Variants in CCDC149 observed in about 807,000 individuals in gnomAD.
CCDC149 encodes the protein coiled-coil domain-containing protein 149.
CCDC149 carries 45 observed loss-of-function variants against 59.9 expected under a neutral mutation model. That is an observed-to-expected ratio of 0.75 (90% CI 0.59 to 0.96). The LOEUF (loss-of-function observed/expected upper bound fraction) is 0.96. Ranked by LOEUF, CCDC149 falls within the 40% of genes least tolerant of loss-of-function variation. The probability of loss-of-function intolerance (pLI) is 0.00; values close to 1 mark genes in which losing one functional copy is unlikely to be tolerated. For synonymous variants in CCDC149, 245 were observed against 260.6 expected (o/e 0.94, Z 0.58); for missense variants, 584 against 664.7 (o/e 0.88, Z 1.33).
chr4:24,897,288 G>A (rs1720900335), intron 1 of CCDC149, among the ~76,000 whole-genome samples: 2 of 152,202 alleles, frequency 1.3e-5, no homozygotes, highest in Admixed American at 1.3e-4. Flanking sequence ...AGAAATAGAA[G>A]TGGTTGTTTT....
chr4:24,942,215 A>C (rs1374956750), intron 1 of CCDC149, among the ~76,000 whole-genome samples: 2 of 151,080 alleles, frequency 1.3e-5, no homozygotes, highest in Non-Finnish European at 3.0e-5. Context: ...AGTGGGCTTC[A>C]TCCCTGGGAT....
intron 2 of CCDC149, among the ~76,000 whole-genome samples, chr4:24,875,802 C>T (rs917380352): frequency 6.6e-6 from 1 of 152,068 alleles, no homozygotes; most frequent in Non-Finnish European, 1.5e-5. Context: ...TAGCTAGTGG[C>T]CTCTGTATTA....
chr4:24,903,121 CT>C (rs1721275597), intron 1 of CCDC149, among the ~76,000 whole-genome samples: 1 of 150,086 alleles, frequency 6.7e-6, no homozygotes, highest in Admixed American at 6.7e-5. Flanking sequence ...TACCCTAATT[CT>C]CCCCCATATA....
intron 1 of CCDC149, among the ~76,000 whole-genome samples, chr4:24,947,450 C>T (rs980460726): frequency 6.6e-6 from 1 of 152,206 alleles, no homozygotes; most frequent in African/African-American, 2.4e-5. Context: ...GTCAATTAAA[C>T]CTCTTTTCTT....
intron 3 of CCDC149, among the ~76,000 whole-genome samples, chr4:24,863,044 G>A (rs1362880646): frequency 6.6e-6 from 1 of 152,176 alleles, no homozygotes; most frequent in East Asian, 1.9e-4. Context: ...TGTAATCCCA[G>A]CACTTTGGGG....
chr4:24,938,270 A>T (rs946191780), intron 1 of CCDC149, among the ~76,000 whole-genome samples: 3 of 152,048 alleles, frequency 2.0e-5, no homozygotes, highest in African/African-American at 4.8e-5. Flanking sequence ...GAGGAATATT[A>T]TTTTTTTTCC....
chr4:24,857,689 G>A (rs1718111423), intron 3 of CCDC149, among the ~76,000 whole-genome samples: 2 of 152,116 alleles, frequency 1.3e-5, no homozygotes, highest in South Asian at 2.1e-4. Context: ...ATTTACTCTG[G>A]AGCCTGGCTG....
At position 24,839,833 on chromosome 4, in the gene CCDC149, C is replaced by T. The variant is rs574804172; in HGVS notation, c.373-1561G>A. ...TTTTATGGAGGTTTTAAGTCTGATT[C>T]CACACCTCCCCGTAGGGCAGATGTG... On this transcript the variant is annotated intron_variant, in intron 4 of 12. Coordinates refer to ENST00000635206, the MANE Select transcript of CCDC149 (RefSeq NM_001330643.2). 2.0e-4 allele frequency among the ~76,000 whole-genome samples: 31 copies of T among 152,270 alleles called. No homozygotes were observed. The South Asian group carries it at 6.0e-3, about 30-fold the overall frequency.
At chr4:24,912,729 TC>T in intron 1 of CCDC149, 87 bp downstream of exon 1, 1 of 976,336 alleles carries the variant, frequency 1.0e-6, no homozygotes, top group Non-Finnish European at 1.3e-6. Flanking sequence ...CTCTCGTCCC[TC>T]CCAGCTCGGC....
chr4:24,928,015 A>G (rs1477895718), intron 1 of CCDC149, among the ~76,000 whole-genome samples: 3 of 152,194 alleles, frequency 2.0e-5, no homozygotes, highest in Admixed American at 6.5e-5. Flanking sequence ...ATCACATTCT[A>G]TGTCTGGTCT....
At chr4:24,929,240 C>T (rs988538461) in intron 1 of CCDC149, among the ~76,000 whole-genome samples, 2 of 152,118 alleles carry the variant, frequency 1.3e-5, no homozygotes, top group African/African-American at 2.4e-5. Flanking sequence ...AACAGCCCGT[C>T]GTCTGCAGCA....
At chr4:24,821,779 G>A (rs1715416491) in intron 10 of CCDC149, among the ~76,000 whole-genome samples, 1 of 152,202 alleles carries the variant, frequency 6.6e-6, no homozygotes, top group South Asian at 2.1e-4. Flanking sequence ...AATGGGGAAT[G>A]GCTGGCTGGG....
At chr4:24,904,586 G>C (rs993723390) in intron 1 of CCDC149, among the ~76,000 whole-genome samples, 1 of 152,214 alleles carries the variant, frequency 6.6e-6, no homozygotes, top group Non-Finnish European at 1.5e-5. Flanking sequence ...TTAAGTGTGT[G>C]TTTGACTTTA....
chr4:24,873,803 T>A, intron 2 of CCDC149, 84 bp from the exon 3 acceptor site: 2 of 1,072,948 alleles, frequency 1.9e-6, no homozygotes, highest in African/African-American at 1.6e-5. Flanking sequence ...ATTATGAACC[T>A]AAATGTAGAC....
chr4:24,838,272 G>A lies in CCDC149; in HGVS notation c.373C>T (p.Leu125Phe). ...TGTTTGGCAATCGTCATCCTCAAGA[G>A]CTGCATTTTCCATTGGTAGAAAAAG... Residue 125 changes from leucine (L) to phenylalanine (F), a missense_variant and splice_region_variant, in exon 5 of 13, where the codon CTC becomes TTC. Physicochemically the swap from Leu to Phe is conservative, Grantham distance 22. Transcript: ENST00000635206. 2 of 1,611,682 alleles carry A rather than the reference G, an allele frequency of 1.2e-6. No homozygotes were observed. Among genetic ancestry groups the A allele is most frequent in the South Asian group, 1.1e-5 (1 of 91,030 alleles).
intron 2 of CCDC149, among the ~76,000 whole-genome samples, chr4:24,874,250 T>TTTTTTTTG (rs1719251101): frequency 1.2e-5 from 1 of 82,602 alleles, no homozygotes; most frequent in African/African-American, 5.8e-5. Context: ...ATTTGTTTTT[T>TTTTTTTTG]TTTTTTTTTG....
chr4:24,878,390 A>C (rs918261222), intron 1 of CCDC149, among the ~76,000 whole-genome samples: 1 of 152,170 alleles, frequency 6.6e-6, no homozygotes, highest in Non-Finnish European at 1.5e-5. Flanking sequence ...CTGGATTTTG[A>C]GACGTTGACA....
chr4:24,884,361 G>A (rs563403229), intron 1 of CCDC149, among the ~76,000 whole-genome samples: 2 of 152,244 alleles, frequency 1.3e-5, no homozygotes, highest in Admixed American at 6.5e-5. Context: ...ATGTAGCCTC[G>A]GGATGCAGCG....
intron 12 of CCDC149, among the ~76,000 whole-genome samples, chr4:24,818,485 C>T (rs808979): frequency 0.55 from 82,926 of 152,068 alleles, 23,252 homozygotes; most frequent in South Asian, 0.62. Context: ...TGCTGTGTAA[C>T]GAATTACATC....
Sources: allele counts gnomAD v4.1 joint callset (sites outside exome capture counted in the v4.1 genomes callset), GRCh38; gene constraint gnomAD v4.1.1; transcripts MANE v1.5; gene names NCBI Gene and HGNC (gene_info 2026-07-23, HGNC 2026-07-21).